Variants in CCBE1 observed in about 807,000 individuals in gnomAD.
CCBE1 encodes the protein collagen and calcium-binding EGF domain-containing protein 1.
In CCBE1, 37 loss-of-function variants were observed where a neutral mutation model predicts 50.0. The ratio of observed to expected loss-of-function variants is 0.74; its 90% confidence interval spans 0.57 to 0.97. The LOEUF (loss-of-function observed/expected upper bound fraction) is 0.97. Ranked by LOEUF, CCBE1 falls within the 50% of genes least tolerant of loss-of-function variation. CCBE1 has a pLI of 0.00. For missense variants in CCBE1, 538 were observed against 523.8 expected, an observed-to-expected ratio of 1.03 and a Z score of -0.26; for synonymous variants, 234 against 203.7, an observed-to-expected ratio of 1.15 and a Z score of -1.27.
intron 2 of CCBE1, among the ~76,000 whole-genome samples, chr18:59,518,642 A>G (rs1914473641): frequency 6.6e-6 from 1 of 152,212 alleles, no homozygotes; most frequent in African/African-American, 2.4e-5. Context: ...TACATGCGAC[A>G]CGTGGATGAA....
At chr18:59,620,597 T>G (rs1022952261) in intron 2 of CCBE1, among the ~76,000 whole-genome samples, 1 of 152,166 alleles carries the variant, frequency 6.6e-6, no homozygotes, top group Non-Finnish European at 1.5e-5. Context: ...AGGGACCTGA[T>G]GGGAGGTAAT....
chr18:59,670,389 C>A (rs1419307222), intron 2 of CCBE1, among the ~76,000 whole-genome samples: 1 of 151,960 alleles, frequency 6.6e-6, no homozygotes, highest in Non-Finnish European at 1.5e-5. Flanking sequence ...AGTGGGATGG[C>A]AAATGTCTGA....
chr18:59,673,837 GT>G (rs2054465360), intron 2 of CCBE1, among the ~76,000 whole-genome samples: 1 of 152,180 alleles, frequency 6.6e-6, no homozygotes, highest in Admixed American at 6.5e-5. Flanking sequence ...TGCTGGATTT[GT>G]TTTGCCAGTA....
intron 5 of CCBE1, among the ~76,000 whole-genome samples, chr18:59,457,350 C>T (rs1401210102): frequency 6.6e-6 from 1 of 152,192 alleles, no homozygotes; most frequent in Non-Finnish European, 1.5e-5. Context: ...CCAGCACAAA[C>T]TTGAGTCCCA....
chr18:59,608,941 T>A (rs1037652355), intron 2 of CCBE1, among the ~76,000 whole-genome samples: 2 of 152,168 alleles, frequency 1.3e-5, no homozygotes, highest in African/African-American at 4.8e-5. Flanking sequence ...CTGGCTTCTA[T>A]CCCCCACCTT....
rs148227788 is a variant in CCBE1, at chr18:59,638,014, CAA to C, written c.212+58613_212+58614del. 2.6e-3 allele frequency among the ~76,000 whole-genome samples: 400 copies of C among 152,108 alleles called. 6 individuals are homozygous for C. In the East Asian group the frequency reaches 0.049, roughly 19 times the overall value. Reference sequence around the variant, plus strand: ...GTTGGCATAACCTGGATAACAAAACCAAAGACACCATGAGAAAAGAAAATTAC... The same window carrying C: ...GTTGGCATAACCTGGATAACAAAACCAGACACCATGAGAAAAGAAAATTAC... On this transcript the variant is annotated intron_variant, in intron 2 of 10. Transcript: ENST00000439986.
chr18:59,438,224 A>G, intron 9 of CCBE1, 78 bp from the exon 10 acceptor site: 1 of 1,245,976 alleles, frequency 8.0e-7, no homozygotes, highest in South Asian at 1.2e-5. Context: ...TACACCCACC[A>G]TAACCACTTC....
intron 2 of CCBE1, among the ~76,000 whole-genome samples, chr18:59,515,373 C>G (rs555671382): frequency 9.8e-5 from 15 of 152,350 alleles, no homozygotes; most frequent in Middle Eastern, 3.4e-3. Flanking sequence ...AGCACTGTCT[C>G]TACACCCAGG....
chr18:59,687,265 C>T (rs972063582), intron 2 of CCBE1, among the ~76,000 whole-genome samples: 1 of 152,180 alleles, frequency 6.6e-6, no homozygotes, highest in African/African-American at 2.4e-5. Context: ...GGTTACAAAG[C>T]TTACATTTGT....
intron 2 of CCBE1, among the ~76,000 whole-genome samples, chr18:59,547,005 A>G (rs1915711121): frequency 7.6e-6 from 1 of 131,890 alleles, no homozygotes; most frequent in African/African-American, 2.8e-5. Flanking sequence ...CAGGACCATC[A>G]GGGCTGTGGT....
intron 2 of CCBE1, among the ~76,000 whole-genome samples, chr18:59,590,451 T>C (rs2053246821): frequency 6.6e-6 from 1 of 152,224 alleles, no homozygotes; most frequent in South Asian, 2.1e-4. Context: ...CCTTAATTTA[T>C]AAATTTCAAT....
At chr18:59,553,048 T>C (rs535935748) in intron 2 of CCBE1, among the ~76,000 whole-genome samples, 2 of 152,256 alleles carry the variant, frequency 1.3e-5, no homozygotes, top group Admixed American at 1.3e-4. Context: ...GATCTCCTCC[T>C]CCATGTGTTG....
At chr18:59,685,508 G>A (rs1292647986) in intron 2 of CCBE1, among the ~76,000 whole-genome samples, 2 of 152,204 alleles carry the variant, frequency 1.3e-5, no homozygotes, top group African/African-American at 4.8e-5. Context: ...CCCAGCTTCT[G>A]ACAAAGAACC....
chr18:59,627,112 C>T (rs2053795096), intron 2 of CCBE1, among the ~76,000 whole-genome samples: 1 of 152,168 alleles, frequency 6.6e-6, no homozygotes, highest in African/African-American at 2.4e-5. Context: ...ATCCATCATT[C>T]ATCAGTTCAG....
intron 2 of CCBE1, among the ~76,000 whole-genome samples, chr18:59,484,294 T>C (rs1180470503): frequency 6.6e-6 from 1 of 152,216 alleles, no homozygotes; most frequent in African/African-American, 2.4e-5. Flanking sequence ...GAAAGTTGGA[T>C]ACAAGGGGGA....
intron 2 of CCBE1, among the ~76,000 whole-genome samples, chr18:59,582,512 T>G (rs1447902053): frequency 6.6e-6 from 1 of 152,152 alleles, no homozygotes; most frequent in Non-Finnish European, 1.5e-5. Context: ...TTTGGAGACT[T>G]TTGCCAGAGA....
intron 2 of CCBE1, among the ~76,000 whole-genome samples, chr18:59,584,701 G>A (rs1405713161): frequency 6.6e-6 from 1 of 152,058 alleles, no homozygotes; most frequent in Non-Finnish European, 1.5e-5. Context: ...CATGTAAGAT[G>A]CCTGTTCCCC....
intron 2 of CCBE1, among the ~76,000 whole-genome samples, chr18:59,504,471 A>T (rs8092049): frequency 0.29 from 43,424 of 150,992 alleles, 6,460 homozygotes; most frequent in Middle Eastern, 0.36. Context: ...ATTTGTTTAA[A>T]TTAAGAGCTT....
chr18:59,598,490 T>G (rs976509086), intron 2 of CCBE1, among the ~76,000 whole-genome samples: 3 of 152,216 alleles, frequency 2.0e-5, no homozygotes, highest in Admixed American at 2.0e-4. Flanking sequence ...AATGCCAGGT[T>G]TGAGGAATCT....
Sources: gnomAD v4.1 joint callset for allele counts (sites outside exome capture counted in the v4.1 genomes callset) on GRCh38, gnomAD v4.1.1 for gene constraint, MANE v1.5 for transcripts, NCBI Gene and HGNC (gene_info 2026-07-23, HGNC 2026-07-21) for gene names.